CCDC73: variants seen among roughly 807,000 people sequenced by gnomAD.
CCDC73 encodes the protein coiled-coil domain containing 73.
Under a neutral mutation model 116.5 loss-of-function variants are expected in CCDC73, and 95 were observed. That is an observed-to-expected ratio of 0.82 (90% CI 0.69 to 0.97). The LOEUF is 0.97. Among genes scored for constraint, CCDC73 ranks in the 50% least tolerant of loss-of-function variants. The pLI, the probability that CCDC73 is intolerant of heterozygous loss-of-function variation, is 0.00. For missense variants in CCDC73, 1,066 were observed against 1,206.8 expected, an observed-to-expected ratio of 0.88 and a Z score of 1.73; for synonymous variants, 398 against 401.3, an observed-to-expected ratio of 0.99 and a Z score of 0.10.
chr11:32,794,598 A>C lies in CCDC73; in HGVS notation c.-16+15T>G, dbSNP rs1483449175. On this transcript the variant is annotated intron_variant, in intron 1 of 17. Transcript: ENST00000335185. ...TAAACAGCCCAACTACACGCTTGTG[A>C]CTGCTCCGACTTACCTCAGCGAAGC... The C allele has an allele frequency of 6.6e-6, 1 of 152,258 alleles. No homozygotes were observed. The highest frequency in any genetic ancestry group is 1.5e-5 in the Non-Finnish European group (1 of 68,082). The allele number at this position is 152,258 out of a possible 1,614,324, so 9.4% of individuals were successfully genotyped here. A position where few individuals can be genotyped will look rare whatever the true frequency, so the allele number is the denominator to read the frequency against.
At chr11:32,608,790 C>T (rs1251312002) in intron 17 of CCDC73, among the ~76,000 whole-genome samples, 1 of 152,208 alleles carries the variant, frequency 6.6e-6, no homozygotes, top group African/African-American at 2.4e-5. Flanking sequence ...CCTTTGAAAT[C>T]TAGGAAGAGA....
At chr11:32,828,302 A>T in the CCDC73 span, among the ~76,000 whole-genome samples, 1 of 152,108 alleles carries the variant, frequency 6.6e-6, no homozygotes, top group Admixed American at 6.5e-5. Context: ...TGAGGTCAGG[A>T]GTTTGAGAAC....
At chr11:32,740,644 C>CT (rs1565090045) in intron 2 of CCDC73, among the ~76,000 whole-genome samples, 1 of 151,624 alleles carries the variant, frequency 6.6e-6, no homozygotes, top group Admixed American at 6.6e-5. Flanking sequence ...CTTTCTGTTG[C>CT]TTTTTTGTAT....
chr11:32,612,373 T>C (rs1036323449), intron 16 of CCDC73, among the ~76,000 whole-genome samples: 6 of 151,962 alleles, frequency 3.9e-5, no homozygotes, highest in African/African-American at 1.2e-4. Flanking sequence ...ATCATACTTC[T>C]TAAATACTGC....
At chr11:32,781,844 G>A (rs567105440) in intron 1 of CCDC73, among the ~76,000 whole-genome samples, 11 of 152,306 alleles carry the variant, frequency 7.2e-5, no homozygotes, top group Non-Finnish European at 1.5e-4. Context: ...TAAGGCAGAA[G>A]TCCCCATCCC....
intron 1 of CCDC73, among the ~76,000 whole-genome samples, chr11:32,764,074 A>G (rs1310539290): frequency 2.6e-5 from 4 of 152,218 alleles, no homozygotes; most frequent in Non-Finnish European, 5.9e-5. Flanking sequence ...AAAACAGTAA[A>G]AAGAAATGAA....
intron 9 of CCDC73, among the ~76,000 whole-genome samples, chr11:32,656,460 C>T (rs1334818930): frequency 6.6e-6 from 1 of 152,144 alleles, no homozygotes; most frequent in Non-Finnish European, 1.5e-5. Context: ...TGAGGCTAGG[C>T]TCTGCTAATC....
intron 9 of CCDC73, among the ~76,000 whole-genome samples, chr11:32,655,936 G>A (rs1053754692): frequency 6.6e-6 from 1 of 152,098 alleles, no homozygotes; most frequent in African/African-American, 2.4e-5. Context: ...TGATTGTGCT[G>A]TTCTTCTGTG....
chr11:32,691,803 C>T (rs1182062838), intron 6 of CCDC73, among the ~76,000 whole-genome samples: 1 of 152,098 alleles, frequency 6.6e-6, no homozygotes, highest in African/African-American at 2.4e-5. Flanking sequence ...AATCCTAGCA[C>T]TTTGGGAGGC....
chr11:32,671,552 A>G (rs1319192450), intron 9 of CCDC73, among the ~76,000 whole-genome samples: 1 of 152,230 alleles, frequency 6.6e-6, no homozygotes, highest in Non-Finnish European at 1.5e-5. Context: ...AATGTTATAA[A>G]ATTTGATTCT....
chr11:32,755,801 G>GTA (rs571377863), intron 2 of CCDC73, among the ~76,000 whole-genome samples: 1,822 of 122,026 alleles, frequency 0.015, 91 homozygotes, highest in Non-Finnish European at 0.024. Flanking sequence ...CCATATATGT[G>GTA]TATATATATA....
intron 9 of CCDC73, among the ~76,000 whole-genome samples, chr11:32,658,023 T>TAAAA (rs11309519): frequency 7.5e-6 from 1 of 132,956 alleles, no homozygotes; most frequent in African/African-American, 2.9e-5. Context: ...CTAGTCTCTT[T>TAAAA]AAAAAAAAAA....
At chr11:32,630,872 C>G (rs1054994078) in intron 14 of CCDC73, among the ~76,000 whole-genome samples, 1 of 151,736 alleles carries the variant, frequency 6.6e-6, no homozygotes, top group African/African-American at 2.4e-5. Context: ...AAAAAAGTAA[C>G]AAGATGAAAA....
intron 9 of CCDC73, among the ~76,000 whole-genome samples, chr11:32,668,383 A>G (rs781456429): frequency 1.3e-5 from 2 of 152,230 alleles, no homozygotes; most frequent in Non-Finnish European, 2.9e-5. Context: ...ATCCTGTAGT[A>G]CCTTAATAGA....
In CCDC73 at chr11:32,693,534, C is replaced by G. The variant is rs970179800; in HGVS notation, c.390+5717G>C. Among the ~76,000 whole-genome samples the G allele has an allele frequency of 2.6e-5, 4 of 152,070 alleles. No homozygotes were observed. In the East Asian group the frequency reaches 5.8e-4, roughly 22 times the overall value. ...GAATTTCTTTTGCTTTGAAAATACT[C>G]TCTATAGGGAATCATCCCTAACTCA... On this transcript the variant is annotated intron_variant, in intron 6 of 17. Transcript: ENST00000335185.
At chr11:32,803,829 A>T in the CCDC73 span, among the ~76,000 whole-genome samples, 1 of 152,036 alleles carries the variant, frequency 6.6e-6, no homozygotes, top group Admixed American at 6.6e-5. Flanking sequence ...TGTTTTTGAG[A>T]CAGAGTCTCG....
At chr11:32,800,220 T>C in the CCDC73 span, among the ~76,000 whole-genome samples, 1 of 152,146 alleles carries the variant, frequency 6.6e-6, no homozygotes, top group African/African-American at 2.4e-5. Context: ...CTACAAATAA[T>C]TATCTAGAAG....
At chr11:32,796,135 T>A (rs116105987), upstream of CCDC73, among the ~76,000 whole-genome samples, 2,591 of 152,274 alleles carry the variant, frequency 0.017, 63 homozygotes, top group African/African-American at 0.059. Context: ...CCCATGCACA[T>A]CCCCTACTTT....
chr11:32,721,456 T>C (rs1453566469), intron 2 of CCDC73, among the ~76,000 whole-genome samples: 2 of 152,230 alleles, frequency 1.3e-5, no homozygotes, highest in Non-Finnish European at 2.9e-5. Flanking sequence ...ATTAATGTTA[T>C]ATGAGTGTTC....
Sources: allele counts gnomAD v4.1 joint callset (sites outside exome capture counted in the v4.1 genomes callset), GRCh38; gene constraint gnomAD v4.1.1; transcripts MANE v1.5; gene names NCBI Gene and HGNC (gene_info 2026-07-23, HGNC 2026-07-21).